Variants in ERC2 observed in about 807,000 individuals in gnomAD.
ERC2 encodes ERC protein 2.
ERC2 carries 42 observed loss-of-function variants against 114.8 expected under a neutral mutation model. That is an observed-to-expected ratio of 0.37 (90% CI 0.29 to 0.47). The LOEUF (loss-of-function observed/expected upper bound fraction) is 0.47, where lower values mean the gene tolerates loss of function less well. Ranked by LOEUF, ERC2 falls within the 20% of genes least tolerant of loss-of-function variation. ERC2 has a pLI of 0.99. For synonymous variants in ERC2, 454 were observed against 425.5 expected (o/e 1.07, Z -0.82); for missense variants, 939 against 1,150.7 (o/e 0.82, Z 2.66).
Position 55,720,133 on chromosome 3 carries a change from CTTCTTCTTCCTCTT to C in ERC2, c.2712+14624_2712+14637del, listed in dbSNP as rs2064393951. On this transcript the variant is annotated intron_variant, in intron 15 of 17. Transcript: ENST00000288221. ...CCTCCTCCTCCTCCTTCTTCTTCCTCTTCTTCTTCCTCTTCTTCTTCTTCTTCTTCTTCTTCTTC... is the reference window on the plus strand; with the variant it reads ...CCTCCTCCTCCTCCTTCTTCTTCCTCCTTCTTCTTCTTCTTCTTCTTCTTC... Among the ~76,000 whole-genome samples, 2 of 3,104 alleles carry C rather than the reference CTTCTTCTTCCTCTT, an allele frequency of 6.4e-4. 1 individual carries two copies. Among genetic ancestry groups the C allele is most frequent in the African/African-American group, 2.6e-3 (2 of 774 alleles). 2.0% of individuals were successfully genotyped at this position (3,104 alleles called of 152,430 possible). A position where few individuals can be genotyped will look rare whatever the true frequency, so the allele number is the denominator to read the frequency against.
intron 5 of ERC2, among the ~76,000 whole-genome samples, chr3:56,142,514 A>C (rs2149925884): frequency 6.6e-6 from 1 of 151,894 alleles, no homozygotes; most frequent in South Asian, 2.1e-4. Context: ...TCTTTTCCTA[A>C]CTTTTTAAGT....
intron 14 of ERC2, among the ~76,000 whole-genome samples, chr3:55,746,134 GA>G (rs544454772): frequency 7.2e-4 from 110 of 152,240 alleles, no homozygotes; most frequent in African/African-American, 2.6e-3. Context: ...AAACAAAACA[GA>G]TCGTCATGCC....
At chr3:56,370,714 C>T (rs2059334140) in intron 2 of ERC2, among the ~76,000 whole-genome samples, 1 of 151,456 alleles carries the variant, frequency 6.6e-6, no homozygotes, top group South Asian at 2.1e-4. Flanking sequence ...CCTGCCTTAG[C>T]CTCCTGAGTA....
chr3:55,996,916 C>T (rs749268778), intron 10 of ERC2, among the ~76,000 whole-genome samples: 3 of 152,158 alleles, frequency 2.0e-5, no homozygotes, highest in South Asian at 2.1e-4. Context: ...TGGCTAAAGC[C>T]AAACTATGGG....
intron 15 of ERC2, among the ~76,000 whole-genome samples, chr3:55,719,974 C>T (rs2064357651): frequency 7.3e-6 from 1 of 136,506 alleles, no homozygotes; most frequent in Non-Finnish European, 1.6e-5. Flanking sequence ...TTCTCTCCCT[C>T]CCTCTCTCCC....
intron 14 of ERC2, among the ~76,000 whole-genome samples, chr3:55,753,009 G>A (rs1294482442): frequency 4.6e-5 from 7 of 152,118 alleles, no homozygotes; most frequent in Non-Finnish European, 1.0e-4. Flanking sequence ...TTCATTTCTA[G>A]GGATGCCCAA....
At chr3:56,273,608 T>G (rs1004606202) in intron 3 of ERC2, among the ~76,000 whole-genome samples, 83 of 63,526 alleles carry the variant, frequency 1.3e-3, no homozygotes, top group African/African-American at 3.7e-3. Context: ...AAACTGTATT[T>G]TTTTTCTTAT....
intron 4 of ERC2, among the ~76,000 whole-genome samples, chr3:56,166,805 A>G (rs1323869647): frequency 6.6e-6 from 1 of 151,900 alleles, no homozygotes; most frequent in Non-Finnish European, 1.5e-5. Context: ...TCTAACCAGG[A>G]TTTGTCATTT....
At chr3:56,401,886 T>A (rs1040666027) in intron 2 of ERC2, among the ~76,000 whole-genome samples, 2 of 152,144 alleles carry the variant, frequency 1.3e-5, no homozygotes, top group African/African-American at 2.4e-5. Context: ...GGGTAATTTA[T>A]AAAGGAAAGA....
chr3:55,978,508 C>T (rs1426217118), intron 12 of ERC2, among the ~76,000 whole-genome samples: 2 of 152,150 alleles, frequency 1.3e-5, no homozygotes, highest in African/African-American at 4.8e-5. Flanking sequence ...CGGAGGCAGC[C>T]GGCTTCTCTC....
At chr3:55,811,755 C>T (rs543822764) in intron 14 of ERC2, among the ~76,000 whole-genome samples, 4 of 152,316 alleles carry the variant, frequency 2.6e-5, no homozygotes, top group African/African-American at 7.2e-5. Flanking sequence ...GCCTGTGTTA[C>T]GTATCCCATT....
intron 6 of ERC2, among the ~76,000 whole-genome samples, chr3:56,126,981 G>A (rs1444277230): frequency 6.6e-6 from 1 of 151,964 alleles, no homozygotes; most frequent in African/African-American, 2.4e-5. Flanking sequence ...TAAGGATGCA[G>A]GGTTACAAAA....
chr3:55,655,358 T>C (rs762808045), intron 17 of ERC2, among the ~76,000 whole-genome samples: 4 of 152,184 alleles, frequency 2.6e-5, no homozygotes, highest in Non-Finnish European at 4.4e-5. Context: ...CTCCTACCTA[T>C]TTCTGCCCAG....
chr3:55,735,002 C>G, intron 14 of ERC2, 84 bp from the exon 15 acceptor site: 2 of 1,352,480 alleles, frequency 1.5e-6, no homozygotes, highest in South Asian at 3.1e-5. Flanking sequence ...AAATGAACCA[C>G]AGAGTATTGT....
chr3:56,451,102 T>G (rs569794370), intron 1 of ERC2, among the ~76,000 whole-genome samples: 3 of 152,164 alleles, frequency 2.0e-5, no homozygotes, highest in Non-Finnish European at 4.4e-5. Flanking sequence ...TGGCAAAGCT[T>G]CAGTTATAGT....
At chr3:56,321,355 TAA>T (rs1030996628) in intron 2 of ERC2, among the ~76,000 whole-genome samples, 6 of 152,122 alleles carry the variant, frequency 3.9e-5, no homozygotes, top group African/African-American at 1.4e-4. Context: ...AAATGCAATT[TAA>T]AAAGAGGAGA....
At chr3:56,468,079 C>G (rs1035544280) in intron 1 of ERC2, among the ~76,000 whole-genome samples, 169 bp downstream of exon 1, 1 of 146,878 alleles carries the variant, frequency 6.8e-6, no homozygotes, top group East Asian at 2.1e-4. Flanking sequence ...ATCCCTCCCC[C>G]CGCCCAAGAA....
intron 13 of ERC2, among the ~76,000 whole-genome samples, chr3:55,919,783 G>A (rs931168365): frequency 6.6e-6 from 1 of 152,166 alleles, no homozygotes; most frequent in Non-Finnish European, 1.5e-5. Context: ...AAGACTTGAG[G>A]GGGTAGTAAA....
chr3:56,295,789 T>C (rs1336761164), intron 3 of ERC2, among the ~76,000 whole-genome samples: 1 of 152,212 alleles, frequency 6.6e-6, no homozygotes, highest in East Asian at 1.9e-4. Context: ...ATGTCCTGTA[T>C]ATGCTTGGAT....
Sources: gnomAD v4.1 joint callset for allele counts (sites outside exome capture counted in the v4.1 genomes callset) on GRCh38, gnomAD v4.1.1 for gene constraint, MANE v1.5 for transcripts, NCBI Gene and HGNC (gene_info 2026-07-23, HGNC 2026-07-21) for gene names.